The following TLN2 variants were observed in gnomAD, a reference collection of about 807,000 sequenced individuals.
TLN2 encodes the protein talin-2.
A neutral mutation model predicts 294.7 loss-of-function variants in TLN2; 118 were observed. That is an observed-to-expected ratio of 0.40 (90% CI 0.34 to 0.47). TLN2 has a LOEUF of 0.47. Ranked by LOEUF, TLN2 falls within the 20% of genes least tolerant of loss-of-function variation. TLN2 has a pLI of 0.84. For missense variants in TLN2, 3,083 were observed against 3,282.2 expected (o/e 0.94, Z 1.48); for synonymous variants, 1,431 against 1,304.5 (o/e 1.10, Z -2.09).
intron 55 of TLN2, chr15:62,834,767 G>A (rs951980454): frequency 2.7e-5 from 4 of 148,802 alleles, no homozygotes; most frequent in African/African-American, 1.0e-4. Flanking sequence ...GATGACAGAT[G>A]TGTCATTGAA....
At chr15:62,707,912 C>T (rs1456507416) in intron 20 of TLN2, among the ~76,000 whole-genome samples, 3 of 151,966 alleles carry the variant, frequency 2.0e-5, no homozygotes, top group African/African-American at 4.8e-5. Flanking sequence ...GGGAAATGTC[C>T]GTTTCTGGAA....
At chr15:62,461,423 T>C (rs2036798998) in intron 1 of TLN2, among the ~76,000 whole-genome samples, 1 of 152,256 alleles carries the variant, frequency 6.6e-6, no homozygotes, top group African/African-American at 2.4e-5. Context: ...CCTGTTCTTC[T>C]GTACGTAGGT....
At chr15:62,511,741 T>C (rs553970584) in intron 1 of TLN2, among the ~76,000 whole-genome samples, 53 of 152,298 alleles carry the variant, frequency 3.5e-4, no homozygotes, top group African/African-American at 1.2e-3. Flanking sequence ...TTCTAGAGAT[T>C]GGTATATCTA....
chr15:62,663,708 A>T (rs1454801764), intron 9 of TLN2, among the ~76,000 whole-genome samples: 1 of 152,042 alleles, frequency 6.6e-6, no homozygotes, highest in Non-Finnish European at 1.5e-5. Flanking sequence ...ACCTAGGAAG[A>T]CAGCTGTCCA....
intron 9 of TLN2, among the ~76,000 whole-genome samples, chr15:62,660,793 A>G (rs915590243): frequency 6.6e-6 from 1 of 152,212 alleles, no homozygotes; most frequent in African/African-American, 2.4e-5. Context: ...GATACAAGGG[A>G]GATATTATAT....
Position 62,675,295 on chromosome 15 carries a change from T to TA in TLN2, c.932dup (p.Tyr311Ter), listed in dbSNP as rs765972588. ...YVKLARSLRT[Y>*]GVSFFLVKEK... is the part of the protein sequence containing the mutation. ...CAAACTCGCACGGTCCCTCCGCACA[T>TA]ATGGCGTGTCCTTCTTCCTGGTGAA... The change falls in exon 11 of 59, where the codon TAT (tyrosine) becomes TAAT (stop). Residue 311 changes from tyrosine (Y) to a stop codon, truncating the protein, a stop_gained and frameshift_variant. Transcript: ENST00000636159. LOFTEE classifies it high-confidence loss of function. 1 of 1,614,142 alleles carries TA rather than the reference T, an allele frequency of 6.2e-7. No homozygotes were observed.
At chr15:62,466,415 G>A (rs1022399918) in intron 1 of TLN2, among the ~76,000 whole-genome samples, 5 of 152,190 alleles carry the variant, frequency 3.3e-5, no homozygotes, top group South Asian at 2.1e-4. Context: ...CCTGTGCATC[G>A]TAGGGTGTTC....
At chr15:62,783,379 G>C (rs1026824266) in intron 44 of TLN2, among the ~76,000 whole-genome samples, 1 of 152,210 alleles carries the variant, frequency 6.6e-6, no homozygotes, top group African/African-American at 2.4e-5. Flanking sequence ...TGCCTCCTGG[G>C]GGTTTCTAGG....
At chr15:62,788,797 G>A (rs1025534350) in intron 45 of TLN2, among the ~76,000 whole-genome samples, 1 of 152,212 alleles carries the variant, frequency 6.6e-6, no homozygotes, top group African/African-American at 2.4e-5. Context: ...TCCTTTTCCA[G>A]CAGTACACAT....
chr15:62,488,146 T>C (rs1470037501), intron 1 of TLN2, among the ~76,000 whole-genome samples: 1 of 152,078 alleles, frequency 6.6e-6, no homozygotes, highest in African/African-American at 2.4e-5. Context: ...ACTTTAGGAT[T>C]AATAGAGAAA....
At chr15:62,605,972 C>G (rs1168110830) in intron 2 of TLN2, among the ~76,000 whole-genome samples, 1 of 152,156 alleles carries the variant, frequency 6.6e-6, no homozygotes, top group Non-Finnish European at 1.5e-5. Context: ...ATAGACTTGT[C>G]TAGAGGTAGT....
intron 1 of TLN2, among the ~76,000 whole-genome samples, chr15:62,440,497 T>A (rs1040917712): frequency 5.3e-5 from 8 of 152,168 alleles, no homozygotes; most frequent in Non-Finnish European, 1.2e-4. Context: ...GAGCATTTTT[T>A]CTGTAATAGA....
intron 1 of TLN2, among the ~76,000 whole-genome samples, chr15:62,584,508 T>A (rs969228528): frequency 5.3e-5 from 8 of 152,216 alleles, no homozygotes; most frequent in Non-Finnish European, 8.8e-5. Context: ...TTCATTGAGT[T>A]TCCTTTGACC....
chr15:62,409,972 A>G (rs1203692434), intron 1 of TLN2, among the ~76,000 whole-genome samples: 2 of 152,216 alleles, frequency 1.3e-5, no homozygotes, highest in Admixed American at 1.3e-4. Flanking sequence ...GTCCGGGTGC[A>G]GTGGCTCACG....
chr15:62,624,719 GT>G (rs1221477753), intron 3 of TLN2, among the ~76,000 whole-genome samples: 1 of 152,208 alleles, frequency 6.6e-6, no homozygotes. Flanking sequence ...TCAAAGGGGT[GT>G]GGGGGTGTCT....
intron 1 of TLN2, among the ~76,000 whole-genome samples, chr15:62,429,199 T>C (rs1169409313): frequency 2.0e-5 from 3 of 151,828 alleles, no homozygotes; most frequent in Non-Finnish European, 4.4e-5. Context: ...TGGTACTGTT[T>C]CAGGAAGGAG....
intron 29 of TLN2, 102 bp from the exon 30 acceptor site, chr15:62,738,112 A>T (rs891773954): frequency 1.6e-5 from 23 of 1,411,794 alleles, no homozygotes; most frequent in Non-Finnish European, 1.9e-5. Context: ...CTGGTGGGTC[A>T]TTTCCGTATC....
At position 62,800,368 on chromosome 15, in the gene TLN2, G is replaced by A. The variant is rs2065849837; in HGVS notation, c.6235G>A (p.Val2079Met). The change falls in exon 49 of 59, where the codon GTG becomes ATG. Residue 2079 changes from valine to methionine, a missense_variant and splice_region_variant. By Grantham distance (21) the Val-to-Met change is conservative. Coordinates refer to ENST00000636159, the MANE Select transcript of TLN2 (RefSeq NM_015059.3). ...SLGSDDPETQ[V>M]VLINAIKDVA... ...ACCTGAGTTCTGTGCTCTCTTTCAGGTGGTTTTGATCAATGCCATCAAAGA... is the reference window on the plus strand; with the variant it reads ...ACCTGAGTTCTGTGCTCTCTTTCAGATGGTTTTGATCAATGCCATCAAAGA... The A allele has an allele frequency of 6.2e-7, 1 of 1,613,602 alleles. No homozygotes were observed. The highest frequency in any genetic ancestry group is 1.3e-5 in the African/African-American group (1 of 75,026).
chr15:62,760,882 G>A (rs903862984), intron 37 of TLN2, among the ~76,000 whole-genome samples: 2 of 152,162 alleles, frequency 1.3e-5, no homozygotes, highest in South Asian at 2.1e-4. Flanking sequence ...TTTCTCAAGT[G>A]GAACACCCCT....
Sources: allele counts gnomAD v4.1 joint callset (sites outside exome capture counted in the v4.1 genomes callset), GRCh38; gene constraint gnomAD v4.1.1; transcripts MANE v1.5; gene names NCBI Gene and HGNC (gene_info 2026-07-23, HGNC 2026-07-21).